Variants in UBASH3B observed in about 807,000 individuals in gnomAD.
UBASH3B encodes ubiquitin associated and SH3 domain containing B.
UBASH3B carries 37 observed loss-of-function variants against 83.4 expected under a neutral mutation model. The observed-to-expected ratio is 0.44, with a 90% CI of 0.34 to 0.58. The LOEUF is 0.58. Among genes scored for constraint, UBASH3B ranks in the 20% least tolerant of loss-of-function variants. The pLI is 0.01. For missense variants in UBASH3B, 657 were observed against 827.2 expected (o/e 0.79, Z 2.52); for synonymous variants, 304 against 318.3 (o/e 0.96, Z 0.48).
intron 1 of UBASH3B, among the ~76,000 whole-genome samples, chr11:122,720,731 G>C (rs1294005988): frequency 6.6e-6 from 1 of 152,066 alleles, no homozygotes; most frequent in African/African-American, 2.4e-5. Context: ...TATCCACAGA[G>C]CTCTCCCTCC....
intron 1 of UBASH3B, among the ~76,000 whole-genome samples, chr11:122,671,793 T>C (rs1430463563): frequency 1.3e-5 from 2 of 152,200 alleles, no homozygotes; most frequent in African/African-American, 2.4e-5. Flanking sequence ...GGTGAAGACT[T>C]CCGAATGGGA....
chr11:122,713,147 T>A (rs922710106), intron 1 of UBASH3B, among the ~76,000 whole-genome samples: 2 of 152,114 alleles, frequency 1.3e-5, no homozygotes, highest in South Asian at 2.1e-4. Context: ...GACCTTGTGA[T>A]CCGCCCACTT....
intron 1 of UBASH3B, among the ~76,000 whole-genome samples, chr11:122,762,365 G>A (rs1861384637): frequency 6.6e-6 from 1 of 152,210 alleles, no homozygotes; most frequent in South Asian, 2.1e-4. Flanking sequence ...GATAGCGCTA[G>A]TGACTTGATC....
intron 1 of UBASH3B, among the ~76,000 whole-genome samples, chr11:122,683,998 A>G (rs1302736376): frequency 1.3e-5 from 2 of 152,342 alleles, no homozygotes; most frequent in East Asian, 3.9e-4. Context: ...TAGTTAAGTC[A>G]AGAGGAAACT....
intron 3 of UBASH3B, 106 bp downstream of exon 3, chr11:122,777,316 G>GT: frequency 8.0e-7 from 1 of 1,251,926 alleles, no homozygotes. Flanking sequence ...AGCAGGAATA[G>GT]TCACAGGCTC....
chr11:122,732,631 T>C (rs1860861865), intron 1 of UBASH3B, among the ~76,000 whole-genome samples: 1 of 152,154 alleles, frequency 6.6e-6, no homozygotes, highest in Non-Finnish European at 1.5e-5. Context: ...CCCCACGTAT[T>C]TCCTGTGTTT....
intron 1 of UBASH3B, among the ~76,000 whole-genome samples, chr11:122,723,506 G>A (rs1860678384): frequency 6.6e-6 from 1 of 152,250 alleles, no homozygotes; most frequent in African/African-American, 2.4e-5. Context: ...ACCAGCAAAA[G>A]GCCAAATTCA....
chr11:122,726,021 T>C (rs934953852), intron 1 of UBASH3B, among the ~76,000 whole-genome samples: 2 of 152,170 alleles, frequency 1.3e-5, no homozygotes, highest in Admixed American at 6.5e-5. Flanking sequence ...AGAATATATT[T>C]GCACTTAATT....
rs1263927217 is a variant in UBASH3B, at chr11:122,812,482, G to T, written c.*2596G>T. The T allele has an allele frequency of 1.3e-5, 2 of 152,184 alleles. No individual in the cohort carries two copies. The highest frequency in any genetic ancestry group is 4.8e-5 in the African/African-American group (2 of 41,440). The allele number at this position is 152,184 out of a possible 1,614,324, so 9.4% of individuals were successfully genotyped here. On this transcript the variant is annotated 3_prime_UTR_variant, in exon 14 of 14. Coordinates refer to ENST00000284273, the MANE Select transcript of UBASH3B (RefSeq NM_032873.5). ...CCTGAAGTTGCAGCTGGTTCTTTTTGATCTGAAGCTGATGCTTATTAAAAC... is the reference window on the plus strand; with the variant it reads ...CCTGAAGTTGCAGCTGGTTCTTTTTTATCTGAAGCTGATGCTTATTAAAAC...
At chr11:122,751,684 C>G (rs1023790525) in intron 1 of UBASH3B, among the ~76,000 whole-genome samples, 28 of 152,250 alleles carry the variant, frequency 1.8e-4, no homozygotes, top group Admixed American at 1.8e-3. Context: ...TCTGGAGCCA[C>G]ACACCCAGGC....
chr11:122,761,231 A>G (rs1456134378), intron 1 of UBASH3B, among the ~76,000 whole-genome samples: 2 of 152,180 alleles, frequency 1.3e-5, no homozygotes, highest in East Asian at 1.9e-4. Flanking sequence ...GAAAGGCCTC[A>G]GCTTAGTTAT....
chr11:122,671,816 G>A (rs1198412333), intron 1 of UBASH3B, among the ~76,000 whole-genome samples: 2 of 152,250 alleles, frequency 1.3e-5, no homozygotes, highest in African/African-American at 2.4e-5. Context: ...ACTCCCAGGG[G>A]GTGTTGAGTA....
chr11:122,812,407 A>G lies in UBASH3B; in HGVS notation c.*2521A>G, dbSNP rs182363581. The G allele has an allele frequency of 5.3e-5, 8 of 152,362 alleles. No homozygotes were observed. Among genetic ancestry groups the G allele is most frequent in the Admixed American group, 2.6e-4 (4 of 15,296 alleles). 9.4% of individuals were successfully genotyped at this position (152,362 alleles called of 1,614,324 possible). On this transcript the variant is annotated 3_prime_UTR_variant, in exon 14 of 14. Transcript: ENST00000284273. ...TGTATAATAAAAGAAAGAGACAACT[A>G]TATTACTCAATTTCATATACATCCA...
rs756470623 is a variant in UBASH3B, at chr11:122,801,218, G to A, written c.1481G>A (p.Arg494His). 17 of 1,614,048 alleles carry A rather than the reference G, an allele frequency of 1.1e-5. No homozygotes were observed. In the South Asian group the frequency reaches 1.2e-4, roughly 11 times the overall value. ...GLQQENHLKI[R>H]VEPGLFEWTK... ...CAACAAGAAAATCACTTGAAGATCCGTGTAGAGCCCGGCTTATTTGAGTGG... is the reference window on the plus strand; with the variant it reads ...CAACAAGAAAATCACTTGAAGATCCATGTAGAGCCCGGCTTATTTGAGTGG... The change falls in exon 11 of 14, where the codon CGT becomes CAT. Residue 494 changes from arginine to histidine, a missense_variant. Physicochemically the swap from Arg to His is conservative, Grantham distance 29. Transcript: ENST00000284273.
chr11:122,751,400 TGTC>T (rs1861197005), intron 1 of UBASH3B, among the ~76,000 whole-genome samples: 1 of 152,170 alleles, frequency 6.6e-6, no homozygotes, highest in African/African-American at 2.4e-5. Flanking sequence ...CTCCCATCTC[TGTC>T]GTCATCTGTC....
chr11:122,762,985 G>A (rs141281108), intron 1 of UBASH3B, among the ~76,000 whole-genome samples: 139 of 152,316 alleles, frequency 9.1e-4, no homozygotes, highest in African/African-American at 3.2e-3. Flanking sequence ...AATACATTAT[G>A]TGATATTAAT....
At chr11:122,712,792 G>C (rs1402226909) in intron 1 of UBASH3B, among the ~76,000 whole-genome samples, 1 of 151,766 alleles carries the variant, frequency 6.6e-6, no homozygotes, top group Admixed American at 6.6e-5. Context: ...CAGGAGAAGA[G>C]GGGATTTTGC....
chr11:122,732,293 C>T (rs779580696), intron 1 of UBASH3B, among the ~76,000 whole-genome samples: 14 of 152,176 alleles, frequency 9.2e-5, no homozygotes, highest in Admixed American at 3.9e-4. Context: ...GCTGGCTCTT[C>T]CCAGGTTGCC....
intron 1 of UBASH3B, among the ~76,000 whole-genome samples, chr11:122,710,313 A>G (rs866348778): frequency 6.6e-6 from 1 of 152,206 alleles, no homozygotes; most frequent in Non-Finnish European, 1.5e-5. Context: ...GGAGGAGGCG[A>G]AAGAGCAAGT....
Sources: gnomAD v4.1 joint callset for allele counts (sites outside exome capture counted in the v4.1 genomes callset) on GRCh38, gnomAD v4.1.1 for gene constraint, MANE v1.5 for transcripts, NCBI Gene and HGNC (gene_info 2026-07-23, HGNC 2026-07-21) for gene names.